The following STARD9 variants were observed in gnomAD, a reference collection of about 807,000 sequenced individuals.
STARD9 encodes the protein StAR related lipid transfer domain containing 9, also known as stAR-related lipid transfer protein 9.
A neutral mutation model predicts 399.8 loss-of-function variants in STARD9; 346 were observed. That is an observed-to-expected ratio of 0.87 (90% confidence interval 0.79 to 0.95). STARD9 has a LOEUF of 0.95. Ranked by LOEUF, STARD9 falls within the 40% of genes least tolerant of loss-of-function variation. The probability of loss-of-function intolerance (pLI) is 0.00; values close to 1 mark genes in which losing one functional copy is unlikely to be tolerated. For missense variants in STARD9, 5,832 were observed against 5,667.5 expected, an observed-to-expected ratio of 1.03 and a Z score of -0.93; for synonymous variants, 2,203 against 2,143.5, an observed-to-expected ratio of 1.03 and a Z score of -0.77.
chr15:42,684,975 T>G lies in STARD9; in HGVS notation c.3397T>G (p.Phe1133Val). 1 of 1,537,022 alleles carries G rather than the reference T, an allele frequency of 6.5e-7. No homozygotes were observed. The highest frequency in any genetic ancestry group is 1.2e-5 in the South Asian group (1 of 84,056). ...PLKPEERKWD[F>V]PEPENSESDD... The stretch of plus-strand genomic sequence containing the variant: ...GAAGCCAGAGGAGAGGAAATGGGAT[T>G]TCCCAGAGCCAGAGAACTCTGAAAG... The change falls in exon 23 of 33, where the codon TTC becomes GTC. Residue 1133 changes from phenylalanine (F) to valine (V), a missense_variant. Around this residue, in one of 2 missense-constraint regions of STARD9, gnomAD observed 5,828 missense variants for 5,651.1 expected, o/e 1.03. Coordinates refer to ENST00000290607, the MANE Select transcript of STARD9 (RefSeq NM_020759.3).
intron 15 of STARD9, among the ~76,000 whole-genome samples, chr15:42,666,103 G>T (rs2060097479): frequency 6.6e-6 from 1 of 152,224 alleles, no homozygotes; most frequent in African/African-American, 2.4e-5. Flanking sequence ...GGGGGCAAAA[G>T]ACTGTTTTCT....
At chr15:42,653,863 A>G (rs1365751890) in intron 9 of STARD9, among the ~76,000 whole-genome samples, 5 of 152,216 alleles carry the variant, frequency 3.3e-5, no homozygotes, top group African/African-American at 1.2e-4. Flanking sequence ...ATAAAAGAAT[A>G]AGATTACATA....
Position 42,690,756 on chromosome 15 carries a change from C to T in STARD9, c.9178C>T (p.Pro3060Ser). 1 of 1,537,266 alleles carries T rather than the reference C, an allele frequency of 6.5e-7. No individual in the cohort carries two copies. The highest frequency in any genetic ancestry group is 1.2e-5 in the South Asian group (1 of 84,054). ...VLSRAQGCRS[P>S]SAPDVRTGSF... ...ATCTCGAGCTCAAGGCTGCAGATCC[C>T]CTTCTGCTCCTGACGTGAGGACAGG... is the stretch of plus-strand genomic sequence containing the variant. Residue 3060 changes from proline (P) to serine (S), a missense_variant, in exon 23 of 33, where the codon CCT (proline) becomes TCT (serine). Around this residue, in one of 2 missense-constraint regions of STARD9, gnomAD observed 5,828 missense variants for 5,651.1 expected, o/e 1.03. Coordinates refer to ENST00000290607, the MANE Select transcript of STARD9 (RefSeq NM_020759.3).
chr15:42,706,474 A>G (rs141270837), intron 26 of STARD9, among the ~76,000 whole-genome samples: 6,891 of 148,986 alleles, frequency 0.046, 323 homozygotes, highest in African/African-American at 0.12. Flanking sequence ...TTTTTGAGAC[A>G]GTGTCTTGCT....
At chr15:42,710,121 A>G (rs1280680638) in intron 26 of STARD9, among the ~76,000 whole-genome samples, 1 of 145,718 alleles carries the variant, frequency 6.9e-6, no homozygotes, top group Admixed American at 7.0e-5. Context: ...GTGCAGTGAC[A>G]CAATCATGGC....
chr15:42,674,419 A>G (rs980516929), intron 16 of STARD9, 21 bp from the exon 17 acceptor site: 41 of 1,533,260 alleles, frequency 2.7e-5, no homozygotes, highest in Non-Finnish European at 1.7e-5. Flanking sequence ...TCTCATTAAA[A>G]TGGCTTTTTT....
At chr15:42,591,475 A>C (rs984258569) in intron 3 of STARD9, among the ~76,000 whole-genome samples, 6 of 151,396 alleles carry the variant, frequency 4.0e-5, no homozygotes, top group African/African-American at 1.5e-4. Context: ...GCAACAGAGC[A>C]AGAGTCCATC....
Position 42,695,217 on chromosome 15 carries a change from A to T in STARD9, c.13040A>T (p.His4347Leu). 1 of 1,537,190 alleles carries T rather than the reference A, an allele frequency of 6.5e-7. No individual in the cohort carries two copies. Among genetic ancestry groups the T allele is most frequent in the Non-Finnish European group, 8.7e-7 (1 of 1,146,864 alleles). Residue 4347 changes from histidine to leucine, a missense_variant, in exon 25 of 33, where the codon CAT becomes CTT. Around this residue, in one of 2 missense-constraint regions of STARD9, gnomAD observed 5,828 missense variants for 5,651.1 expected, o/e 1.03. Transcript: ENST00000290607. ...ELMLQDYQQAHEEAKVEIARA... is the reference protein window; with the variant it reads ...ELMLQDYQQALEEAKVEIARA... ...ATGCTGCAAGACTACCAGCAGGCCC[A>T]TGAGGAGGCCAAGGTGGAGATTGCC...
Position 42,689,997 on chromosome 15 carries a change from GA to G in STARD9, c.8425del (p.Thr2809GlnfsTer9). The G allele has an allele frequency of 1.3e-6, 2 of 1,537,248 alleles. No homozygotes were observed. The highest frequency in any genetic ancestry group is 1.7e-6 in the Non-Finnish European group (2 of 1,146,924). On this transcript the variant is annotated frameshift_variant, in exon 23 of 33. Transcript: ENST00000290607. LOFTEE classifies it high-confidence loss of function. ...SDNLLVTAQG[E>X]KTAHFESQSV... ...TAATTTGTTAGTGACTGCACAGGGA[GA>G]AAAAACAGCCCATTTTGAAAGTCAG...
intron 31 of STARD9, 78 bp downstream of exon 31, chr15:42,718,592 A>C: frequency 6.8e-7 from 1 of 1,460,454 alleles, no homozygotes; most frequent in East Asian, 2.5e-5. Context: ...TGTGGGCCTC[A>C]GGTCCTCTAG....
chr15:42,656,635 C>G (rs941227312), intron 9 of STARD9, among the ~76,000 whole-genome samples: 9 of 152,170 alleles, frequency 5.9e-5, no homozygotes, highest in Non-Finnish European at 1.3e-4. Flanking sequence ...CTGTGGAATA[C>G]ATTCAGCCGT....
chr15:42,689,017 A>G lies in STARD9; in HGVS notation c.7439A>G (p.Asn2480Ser). 1 of 1,537,360 alleles carries G rather than the reference A, an allele frequency of 6.5e-7. No individual in the cohort carries two copies. Among genetic ancestry groups the G allele is most frequent in the Non-Finnish European group, 8.7e-7 (1 of 1,146,944 alleles). The change falls in exon 23 of 33, where the codon AAC becomes AGC. Residue 2480 changes from asparagine (N) to serine (S), a missense_variant. Asn to Ser is a conservative substitution (Grantham distance 46). This residue lies in a region of STARD9 where 5,828 missense variants were observed against 5,651.1 expected (regional missense o/e 1.03). Transcript: ENST00000290607. The stretch of plus-strand genomic sequence containing the variant: ...AAAGAAATAAGAGTCAGTTCACTGA[A>G]CAAGGTCTCTAGCCAGCCTGAAAAG... Reference protein sequence around the residue: ...VQKEIRVSSLNKVSSQPEKRV... With the variant: ...VQKEIRVSSLSKVSSQPEKRV...
chr15:42,575,779 G>T lies in STARD9; in HGVS notation c.47+17G>T. The T allele has an allele frequency of 6.5e-7, 1 of 1,536,736 alleles. No homozygotes were observed. The highest frequency in any genetic ancestry group is 1.7e-4 in the Middle Eastern group (1 of 5,980). ...CAGCAAGAGGTGAGTCTCCGCGGGA[G>T]AGGGCGCCTGAGGCTTCACAGGAGC... On this transcript the variant is annotated intron_variant, in intron 1 of 32. Coordinates refer to ENST00000290607, the MANE Select transcript of STARD9 (RefSeq NM_020759.3).
At chr15:42,675,193 TGTCTCCCTAGGAAA>T in intron 18 of STARD9, among the ~76,000 whole-genome samples, 1 of 152,240 alleles carries the variant, frequency 6.6e-6, no homozygotes, top group Non-Finnish European at 1.5e-5. Flanking sequence ...TAATTAGCTC[TGTCTCCCTAGGAAA>T]GTCTCTGAGC....
intron 3 of STARD9, among the ~76,000 whole-genome samples, chr15:42,622,965 A>G (rs962496557): frequency 5.3e-5 from 8 of 152,160 alleles, no homozygotes; most frequent in Admixed American, 1.3e-4. Flanking sequence ...TAAGATGCAG[A>G]TCAGGGCCAG....
intron 26 of STARD9, among the ~76,000 whole-genome samples, chr15:42,697,730 C>G (rs1272794017): frequency 6.6e-6 from 1 of 152,140 alleles, no homozygotes; most frequent in Non-Finnish European, 1.5e-5. Flanking sequence ...AGGTATATAT[C>G]CAACATAAAT....
intron 22 of STARD9, 94 bp downstream of exon 22, chr15:42,682,669 T>G (rs2060460549): frequency 3.1e-6 from 3 of 972,446 alleles, no homozygotes; most frequent in Non-Finnish European, 4.5e-6. Flanking sequence ...CCTCATTTCC[T>G]CAGTCTGTGA....
In STARD9 at chr15:42,687,020, G is replaced by A; in HGVS notation, c.5442G>A (p.Gln1814=). The part of the protein sequence containing the change: ...NQNSKIASSQ[Q]VTAEIPVDLN... The stretch of plus-strand genomic sequence containing the variant: ...ATTCTAAGATTGCCTCATCTCAGCA[G>A]GTCACAGCTGAGATACCAGTTGATC... Residue 1814 remains glutamine (Q), a synonymous_variant, in exon 23 of 33, where the codon CAG becomes CAA. Transcript: ENST00000290607. The A allele has an allele frequency of 6.5e-7, 1 of 1,537,112 alleles. No individual in the cohort carries two copies.
Position 42,693,338 on chromosome 15 carries a change from C to A in STARD9, c.11760C>A (p.Leu3920=), listed in dbSNP as rs2060760898. Reference sequence around the variant, plus strand: ...GTCTTTCCCCAGGCTCTTTGACCCTCTCAGCCCCTTCAACTCACCCTGTTG... The same window carrying A: ...GTCTTTCCCCAGGCTCTTTGACCCTATCAGCCCCTTCAACTCACCCTGTTG... The part of the protein sequence containing the change: ...EPGLSPGSLT[L]SAPSTHPVEG... Residue 3920 remains leucine (L), a synonymous_variant, in exon 23 of 33, where the codon CTC becomes CTA. Transcript: ENST00000290607. 2.0e-6 allele frequency: 3 copies of A among 1,537,192 alleles called. No homozygotes were observed. The highest frequency in any genetic ancestry group is 1.7e-6 in the Non-Finnish European group (2 of 1,146,916).
Sources: gnomAD v4.1 joint callset for allele counts (sites outside exome capture counted in the v4.1 genomes callset) on GRCh38, gnomAD v4.1.1 for gene constraint, gnomAD v4.1.1 regional missense constraint, MANE v1.5 for transcripts, NCBI Gene and HGNC (gene_info 2026-07-23, HGNC 2026-07-21) for gene names.